FAM120A: variants seen among roughly 807,000 people sequenced by gnomAD.
FAM120A encodes constitutive coactivator of PPAR-gamma-like protein 1.
FAM120A carries 15 observed loss-of-function variants against 109.7 expected under a neutral mutation model. The observed-to-expected ratio is 0.14, with a 90% CI of 0.09 to 0.21. The LOEUF (loss-of-function observed/expected upper bound fraction) is 0.21. FAM120A is among the 10% of genes least tolerant of loss of function. The pLI is 1.00. For synonymous variants in FAM120A, 493 were observed against 572.8 expected (o/e 0.86, Z 1.99); for missense variants, 899 against 1,439.3 (o/e 0.62, Z 6.07).
At chr9:93,548,519 C>T (rs1861975757) in intron 11 of FAM120A, among the ~76,000 whole-genome samples, 1 of 152,036 alleles carries the variant, frequency 6.6e-6, no homozygotes, top group Non-Finnish European at 1.5e-5. Flanking sequence ...GGTTGCACAG[C>T]AGTGTGAATG....
intron 1 of FAM120A, among the ~76,000 whole-genome samples, chr9:93,457,680 C>T (rs1857611368): frequency 6.6e-6 from 1 of 152,148 alleles, no homozygotes; most frequent in Non-Finnish European, 1.5e-5. Flanking sequence ...AAAATTATTC[C>T]ATTTTAAAAA....
chr9:93,521,771 A>G (rs1410232047), intron 7 of FAM120A, among the ~76,000 whole-genome samples: 1 of 152,124 alleles, frequency 6.6e-6, no homozygotes, highest in Non-Finnish European at 1.5e-5. Context: ...AGATGTTTGT[A>G]ATCTTGTTTC....
chr9:93,489,249 C>T (rs571803520), intron 3 of FAM120A, among the ~76,000 whole-genome samples: 1 of 152,302 alleles, frequency 6.6e-6, no homozygotes, highest in African/African-American at 2.4e-5. Flanking sequence ...ACTTAGTAAG[C>T]TCCTCTATAA....
chr9:93,534,623 CCTCTT>C (rs1239759776), intron 10 of FAM120A, among the ~76,000 whole-genome samples: 5 of 152,156 alleles, frequency 3.3e-5, no homozygotes, highest in African/African-American at 1.2e-4. Flanking sequence ...TCCCTCCTCT[CCTCTT>C]CTCCTTCTTT....
chr9:93,462,846 A>C (rs984562609), intron 1 of FAM120A, among the ~76,000 whole-genome samples: 39 of 152,206 alleles, frequency 2.6e-4, no homozygotes, highest in African/African-American at 8.9e-4. Flanking sequence ...AGGTTCATAC[A>C]TGTTGTAACG....
intron 3 of FAM120A, among the ~76,000 whole-genome samples, chr9:93,492,628 G>C (rs1859379006): frequency 1.3e-5 from 2 of 152,124 alleles, no homozygotes; most frequent in Non-Finnish European, 2.9e-5. Flanking sequence ...CAGGAGGGAA[G>C]CAAGCTTCTC....
intron 1 of FAM120A, among the ~76,000 whole-genome samples, chr9:93,459,587 T>C (rs905106474): frequency 6.6e-6 from 1 of 151,974 alleles, no homozygotes; most frequent in Admixed American, 6.6e-5. Context: ...GTTGAGGAGG[T>C]TCATTTAAAT....
chr9:93,502,582 A>G (rs1309101579), intron 5 of FAM120A, among the ~76,000 whole-genome samples: 1 of 151,872 alleles, frequency 6.6e-6, no homozygotes, highest in East Asian at 1.9e-4. Flanking sequence ...ACACACACAC[A>G]CACACACACA....
At chr9:93,496,711 G>A (rs1420164703) in intron 3 of FAM120A, among the ~76,000 whole-genome samples, 1 of 152,228 alleles carries the variant, frequency 6.6e-6, no homozygotes, top group Admixed American at 6.5e-5. Context: ...GCCACGCAAT[G>A]CAGCATATTC....
Position 93,472,195 on chromosome 9 carries a change from G to A in FAM120A, c.721+808G>A, listed in dbSNP as rs572856122. ...GAATGGCTTGAACCAGGGAGGTGGAGGTTGCAGTGATCCAAGATCGTGCCA... is the reference window on the plus strand; with the variant it reads ...GAATGGCTTGAACCAGGGAGGTGGAAGTTGCAGTGATCCAAGATCGTGCCA... On this transcript the variant is annotated intron_variant, in intron 2 of 17. Transcript: ENST00000277165. Among the ~76,000 whole-genome samples, 4 of 152,104 alleles carry A rather than the reference G, an allele frequency of 2.6e-5. No individual in the cohort carries two copies. In the East Asian group the frequency reaches 7.7e-4, roughly 29 times the overall value.
intron 12 of FAM120A, 24 bp from the exon 13 acceptor site, chr9:93,556,358 G>T: frequency 1.9e-6 from 3 of 1,589,794 alleles, no homozygotes; most frequent in Non-Finnish European, 2.6e-6. Flanking sequence ...TTATTCCATA[G>T]AAATTACTCT....
At position 93,528,734 on chromosome 9, in the gene FAM120A, G is replaced by T. The variant is rs566484595; in HGVS notation, c.1507-619G>T. On this transcript the variant is annotated intron_variant, in intron 8 of 17. Transcript: ENST00000277165. ...TGCTGTGGCTTAGCAGGTTTTTGGG[G>T]CTTTTGGTTTAATTTTTGCTTGTGT... Among the ~76,000 whole-genome samples the T allele has an allele frequency of 1.1e-4, 17 of 152,230 alleles. No homozygotes were observed. In the South Asian group the frequency reaches 3.5e-3, roughly 32 times the overall value.
intron 1 of FAM120A, among the ~76,000 whole-genome samples, chr9:93,456,393 T>A (rs1486930263): frequency 2.0e-5 from 3 of 152,238 alleles, no homozygotes; most frequent in African/African-American, 7.2e-5. Flanking sequence ...TAAATAATGC[T>A]CTTACATAAA....
At chr9:93,556,740 T>C in intron 13 of FAM120A, 149 bp downstream of exon 13, 1 of 710,218 alleles carries the variant, frequency 1.4e-6, no homozygotes, top group Non-Finnish European at 2.3e-6. Flanking sequence ...TAAATATCAC[T>C]TCAGTACCCA....
In FAM120A at chr9:93,471,284, C is replaced by T. The variant is rs1465659033; in HGVS notation, c.618C>T (p.Ser206=). The T allele has an allele frequency of 2.5e-6, 4 of 1,614,196 alleles. No homozygotes were observed. The South Asian group carries it at 4.4e-5, about 18-fold the overall frequency. ...TCAGTGCCCATGCCCTAAAACTGAG[C>T]CGGAACGGGAAAAGTCTCACCACAA... is the stretch of plus-strand genomic sequence containing the variant. The part of the protein sequence containing the change: ...YYFSAHALKL[S]RNGKSLTTSQ... Residue 206 remains serine (S), a synonymous_variant, in exon 2 of 18, where the codon AGC becomes AGT. Transcript: ENST00000277165.
intron 1 of FAM120A, among the ~76,000 whole-genome samples, chr9:93,462,808 G>C (rs975586351): frequency 6.6e-6 from 1 of 152,124 alleles, no homozygotes; most frequent in Non-Finnish European, 1.5e-5. Context: ...TTTGTGTCTG[G>C]TTTATTGCAT....
chr9:93,465,701 A>C (rs138874550), intron 1 of FAM120A, among the ~76,000 whole-genome samples: 26 of 152,286 alleles, frequency 1.7e-4, no homozygotes, highest in Non-Finnish European at 2.8e-4. Context: ...TGGCACAGTG[A>C]TCTAAACCAA....
At chr9:93,513,342 G>A (rs557328271) in intron 5 of FAM120A, among the ~76,000 whole-genome samples, 14 of 152,288 alleles carry the variant, frequency 9.2e-5, no homozygotes, top group African/African-American at 3.4e-4. Flanking sequence ...TGCACGTGTG[G>A]GGTGTGTTTG....
chr9:93,529,944 A>T (rs1320800311), intron 9 of FAM120A: 2 of 479,594 alleles, frequency 4.2e-6, no homozygotes, highest in African/African-American at 3.9e-5. Flanking sequence ...CTGATGTCAG[A>T]TACAATATCT....
Sources: gnomAD v4.1 joint callset for allele counts (sites outside exome capture counted in the v4.1 genomes callset) on GRCh38, gnomAD v4.1.1 for gene constraint, MANE v1.5 for transcripts, NCBI Gene and HGNC (gene_info 2026-07-23, HGNC 2026-07-21) for gene names.